The following SLC24A3 variants were observed in gnomAD, a reference collection of about 807,000 sequenced individuals.
SLC24A3 encodes the protein sodium/potassium/calcium exchanger 3.
SLC24A3 carries 28 observed loss-of-function variants against 75.8 expected under a neutral mutation model. That is an observed-to-expected ratio of 0.37 (90% CI 0.27 to 0.51). SLC24A3 has a LOEUF of 0.51. SLC24A3 is among the 20% of genes least tolerant of loss of function. The pLI is 0.94. For synonymous variants in SLC24A3, 372 were observed against 334.1 expected (o/e 1.11, Z -1.24); for missense variants, 663 against 847.8 (o/e 0.78, Z 2.71).
At chr20:19,454,037 A>G (rs1194721432) in intron 2 of SLC24A3, among the ~76,000 whole-genome samples, 1 of 152,224 alleles carries the variant, frequency 6.6e-6, no homozygotes, top group Non-Finnish European at 1.5e-5. Context: ...TTATTCCTTG[A>G]AGCCTGACCA....
chr20:19,609,529 C>T (rs934370408), intron 6 of SLC24A3, among the ~76,000 whole-genome samples: 1 of 152,114 alleles, frequency 6.6e-6, no homozygotes. Flanking sequence ...TTAAGCCCCG[C>T]ATGCATTAGG....
chr20:19,299,081 G>A (rs891602399), intron 2 of SLC24A3, among the ~76,000 whole-genome samples: 1 of 152,174 alleles, frequency 6.6e-6, no homozygotes, highest in African/African-American at 2.4e-5. Context: ...TCATTGCTAA[G>A]TTCCCGCATC....
At chr20:19,529,401 A>T (rs1261717725) in intron 3 of SLC24A3, among the ~76,000 whole-genome samples, 1 of 152,200 alleles carries the variant, frequency 6.6e-6, no homozygotes, top group East Asian at 1.9e-4. Flanking sequence ...CACAGGCTGG[A>T]ATCCTAGAAA....
At chr20:19,572,726 G>T (rs2031072498) in intron 3 of SLC24A3, among the ~76,000 whole-genome samples, 1 of 152,082 alleles carries the variant, frequency 6.6e-6, no homozygotes, top group African/African-American at 2.4e-5. Context: ...TCAGAACCTG[G>T]ACTGTGAGAC....
At chr20:19,461,871 A>T (rs1197717054) in intron 2 of SLC24A3, among the ~76,000 whole-genome samples, 2 of 152,140 alleles carry the variant, frequency 1.3e-5, no homozygotes, top group Non-Finnish European at 2.9e-5. Context: ...TATGCCTACA[A>T]GCAATCTTAA....
chr20:19,615,833 G>A (rs1269257567), intron 6 of SLC24A3, among the ~76,000 whole-genome samples: 4 of 152,068 alleles, frequency 2.6e-5, no homozygotes, highest in African/African-American at 9.7e-5. Context: ...GGCTTCCTGG[G>A]GACTCTCAGA....
chr20:19,514,184 G>T (rs1373972276), intron 2 of SLC24A3, among the ~76,000 whole-genome samples: 1 of 152,180 alleles, frequency 6.6e-6, no homozygotes, highest in Admixed American at 6.5e-5. Context: ...CAAGCCAGGG[G>T]TCCCCAGCAG....
At chr20:19,498,837 G>A (rs1000941730) in intron 2 of SLC24A3, among the ~76,000 whole-genome samples, 12 of 152,162 alleles carry the variant, frequency 7.9e-5, no homozygotes, top group Non-Finnish European at 1.5e-4. Flanking sequence ...CAGAAGCAGC[G>A]GAAATGTTTT....
intron 2 of SLC24A3, among the ~76,000 whole-genome samples, chr20:19,410,959 C>G (rs1227276068): frequency 2.0e-5 from 3 of 152,178 alleles, no homozygotes; most frequent in Non-Finnish European, 2.9e-5. Context: ...AACATCCCAG[C>G]CTTTTGAGTT....
intron 2 of SLC24A3, among the ~76,000 whole-genome samples, chr20:19,285,552 AT>A (rs11087278): frequency 0.11 from 13,887 of 129,988 alleles, 1,507 homozygotes; most frequent in East Asian, 0.29. Flanking sequence ...GAAATTTGTG[AT>A]TTTTTTTTTT....
intron 2 of SLC24A3, among the ~76,000 whole-genome samples, chr20:19,330,031 G>A (rs1393511310): frequency 6.6e-6 from 1 of 152,116 alleles, no homozygotes; most frequent in African/African-American, 2.4e-5. Context: ...ACTCAGAAGG[G>A]CTCCTTAACA....
At chr20:19,443,844 G>A (rs991328169) in intron 2 of SLC24A3, among the ~76,000 whole-genome samples, 14 of 152,126 alleles carry the variant, frequency 9.2e-5, no homozygotes, top group African/African-American at 2.9e-4. Context: ...TAATTGCCTT[G>A]GCATCCACTC....
chr20:19,213,499 C>T (rs1770998281), intron 1 of SLC24A3: 1 of 152,392 alleles, frequency 6.6e-6, no homozygotes, highest in Non-Finnish European at 1.5e-5. Context: ...GAACAGGTGC[C>T]GGGAACTTCA....
intron 6 of SLC24A3, among the ~76,000 whole-genome samples, chr20:19,643,627 G>C (rs117820145): frequency 1.3e-5 from 2 of 152,264 alleles, no homozygotes; most frequent in East Asian, 3.9e-4. Context: ...GACATCAAAT[G>C]CCAGTGTAAT....
chr20:19,255,546 A>G (rs1982789078), intron 1 of SLC24A3, among the ~76,000 whole-genome samples: 1 of 152,248 alleles, frequency 6.6e-6, no homozygotes, highest in Admixed American at 6.5e-5. Flanking sequence ...GGATGGTCCC[A>G]GGAATGCTTG....
At chr20:19,606,043 C>G (rs1050185472) in intron 6 of SLC24A3, among the ~76,000 whole-genome samples, 4 of 152,188 alleles carry the variant, frequency 2.6e-5, no homozygotes, top group Admixed American at 6.5e-5. Flanking sequence ...TCCTATTTGG[C>G]CAGCATGAGC....
At chr20:19,490,128 G>C (rs1228170433) in intron 2 of SLC24A3, among the ~76,000 whole-genome samples, 2 of 152,122 alleles carry the variant, frequency 1.3e-5, no homozygotes, top group Non-Finnish European at 2.9e-5. Context: ...CATCAGAACT[G>C]TTGCCAGTTC....
Position 19,483,126 on chromosome 20 carries a change from G to A in SLC24A3, c.272-32362G>A, listed in dbSNP as rs552707994. Among the ~76,000 whole-genome samples the A allele has an allele frequency of 2.6e-5, 4 of 152,274 alleles. No individual in the cohort carries two copies. The East Asian group carries it at 5.8e-4, about 22-fold the overall frequency. On this transcript the variant is annotated intron_variant, in intron 2 of 16. Transcript: ENST00000328041. The stretch of plus-strand genomic sequence containing the variant: ...TTGCTTGTAATTAATGGCTGCTAAG[G>A]CCAGGCACATCAGGGGCAATGATCA...
At chr20:19,499,873 G>A (rs1487400317) in intron 2 of SLC24A3, among the ~76,000 whole-genome samples, 2 of 152,108 alleles carry the variant, frequency 1.3e-5, no homozygotes, top group Non-Finnish European at 2.9e-5. Context: ...TACATGTTTA[G>A]GGATGTAGCC....
Sources: allele counts gnomAD v4.1 joint callset (sites outside exome capture counted in the v4.1 genomes callset), GRCh38; gene constraint gnomAD v4.1.1; transcripts MANE v1.5; gene names NCBI Gene and HGNC (gene_info 2026-07-23, HGNC 2026-07-21).